Variants in ACACA observed in about 807,000 individuals in gnomAD.
ACACA encodes the protein acetyl-CoA carboxylase alpha.
Under a neutral mutation model 296.1 loss-of-function variants are expected in ACACA, and 103 were observed. The observed-to-expected ratio is 0.35, with a 90% CI of 0.30 to 0.41. The LOEUF is 0.41. Ranked by LOEUF, ACACA falls within the 10% of genes least tolerant of loss-of-function variation. The pLI is 1.00. For missense variants in ACACA, 1,554 were observed against 2,989.7 expected, an observed-to-expected ratio of 0.52 and a Z score of 11.20; for synonymous variants, 953 against 1,038.6, an observed-to-expected ratio of 0.92 and a Z score of 1.58.
chr17:37,163,927 GTA>G (rs2076563675), intron 41 of ACACA, among the ~76,000 whole-genome samples: 1 of 152,054 alleles, frequency 6.6e-6, no homozygotes, highest in Admixed American at 6.6e-5. Context: ...CCTTCTACTT[GTA>G]TATTTGCTAG....
intron 39 of ACACA, among the ~76,000 whole-genome samples, chr17:37,181,900 CAAAAAAA>C (rs61045031): frequency 0.05 from 1,120 of 22,186 alleles, 15 homozygotes; most frequent in African/African-American, 0.11. Context: ...ACTCTGTATC[CAAAAAAA>C]AAAAAAAAAA....
At chr17:37,197,204 T>A (rs1009926332) in intron 35 of ACACA, among the ~76,000 whole-genome samples, 1 of 152,226 alleles carries the variant, frequency 6.6e-6, no homozygotes, top group Admixed American at 6.5e-5. Flanking sequence ...CTTATAGCAA[T>A]CACTGTCATC....
At chr17:37,210,014 A>C (rs1163373188) in intron 30 of ACACA, among the ~76,000 whole-genome samples, 1 of 152,236 alleles carries the variant, frequency 6.6e-6, no homozygotes, top group Non-Finnish European at 1.5e-5. Context: ...CTGATAAAAC[A>C]TGAGATCAGC....
Position 37,283,313 on chromosome 17 carries a change from A to C in ACACA, c.564T>G (p.Ile188Met). The C allele has an allele frequency of 1.2e-6, 2 of 1,614,146 alleles. No homozygotes were observed. The highest frequency in any genetic ancestry group is 1.7e-6 in the Non-Finnish European group (2 of 1,180,014). The change falls in exon 5 of 56, where the codon ATT becomes ATG. Residue 188 changes from isoleucine (I) to methionine (M), a missense_variant. This residue lies in a region of ACACA where 40 missense variants were observed against 92.2 expected (regional missense o/e 0.43). Transcript: ENST00000616317. ...CAGGTGTGACCATGACAACGAATCTAATTGCACGTTCATTTCGAAACATTT... is the reference window on the plus strand; with the variant it reads ...CAGGTGTGACCATGACAACGAATCTCATTGCACGTTCATTTCGAAACATTT... ...SYEMFRNERA[I>M]RFVVMVTPED...
chr17:37,343,246 G>A (rs1775750537), intron 1 of ACACA, among the ~76,000 whole-genome samples: 1 of 152,018 alleles, frequency 6.6e-6, no homozygotes, highest in African/African-American at 2.4e-5. Flanking sequence ...CCAAAGTGCT[G>A]GGATTACAGG....
Position 37,217,754 on chromosome 17 carries a change from A to C in ACACA, c.3683+3970T>G, listed in dbSNP as rs904536247. ...CATCTCAAAAAAAAAAAAAAAAAAA[A>C]AAAAAAAAAACAACCTGTTTTCTCC... On this transcript the variant is annotated intron_variant, in intron 29 of 55. Coordinates refer to ENST00000616317, the MANE Select transcript of ACACA (RefSeq NM_198834.3). Among the ~76,000 whole-genome samples the C allele has an allele frequency of 5.5e-5, 8 of 146,476 alleles. 1 individual carries two copies. The highest frequency in any genetic ancestry group is 1.4e-4 in the Admixed American group (2 of 14,614).
chr17:37,136,778 T>C lies in ACACA; in HGVS notation c.5680-6560A>G, dbSNP rs536042828. Among the ~76,000 whole-genome samples, 498 of 152,106 alleles carry C rather than the reference T, an allele frequency of 3.3e-3. 1 individual carries two copies. The highest frequency in any genetic ancestry group is 5.5e-3 in the Non-Finnish European group (373 of 67,972). On this transcript the variant is annotated intron_variant, in intron 45 of 55. Transcript: ENST00000616317. ...TAACACGGTGAAACCCCATCTCTAC[T>C]AAAAATATAAAAATTAGCCGGGGCG...
At chr17:37,134,825 CTGAG>C (rs2075265579) in intron 45 of ACACA, among the ~76,000 whole-genome samples, 1 of 152,126 alleles carries the variant, frequency 6.6e-6, no homozygotes, top group South Asian at 2.1e-4. Context: ...TGTAAATTTA[CTGAG>C]TAATTGTCAT....
intron 39 of ACACA, among the ~76,000 whole-genome samples, chr17:37,187,385 T>C (rs944936355): frequency 2.6e-5 from 4 of 152,232 alleles, no homozygotes; most frequent in African/African-American, 4.8e-5. Flanking sequence ...AAGCACGGAA[T>C]AGACTGAAAC....
chr17:37,171,120 C>T (rs1412761756), intron 41 of ACACA, among the ~76,000 whole-genome samples: 2 of 152,142 alleles, frequency 1.3e-5, no homozygotes, highest in African/African-American at 4.8e-5. Context: ...AAGCTGTATT[C>T]GTTATATTCA....
intron 30 of ACACA, among the ~76,000 whole-genome samples, chr17:37,209,976 T>G (rs960025619): frequency 2.0e-5 from 3 of 152,222 alleles, no homozygotes; most frequent in African/African-American, 7.2e-5. Context: ...TCATAACATT[T>G]TAACACTTTA....
intron 33 of ACACA, 40 bp from the exon 34 acceptor site, chr17:37,200,523 T>A: frequency 6.5e-7 from 1 of 1,527,854 alleles, no homozygotes. Context: ...TAGATGAGAT[T>A]TCCATTCATT....
chr17:37,159,175 C>T lies in ACACA; in HGVS notation c.5349+2606G>A, dbSNP rs190657246. 1.6e-3 allele frequency among the ~76,000 whole-genome samples: 249 copies of T among 150,928 alleles called. 2 individuals are homozygous for T. Among genetic ancestry groups the T allele is most frequent in the Non-Finnish European group, 8.0e-4 (54 of 67,782 alleles). On this transcript the variant is annotated intron_variant, in intron 42 of 55. Transcript: ENST00000616317. ...CCTGGGTGACAGAGCTAGACCCTGT[C>T]TCTTAAAAAAAAAAGAGATAAAATT...
At chr17:37,302,202 C>CT (rs1238449451) in intron 3 of ACACA, among the ~76,000 whole-genome samples, 576 of 120,820 alleles carry the variant, frequency 4.8e-3, no homozygotes, top group African/African-American at 0.012. Flanking sequence ...GTCTGGAACT[C>CT]TTTTTTTTTT....
intron 10 of ACACA, among the ~76,000 whole-genome samples, chr17:37,270,079 C>T (rs995895933): frequency 2.0e-5 from 3 of 152,172 alleles, no homozygotes; most frequent in African/African-American, 4.8e-5. Flanking sequence ...AGTATGGCCA[C>T]ATCAACTTGG....
chr17:37,182,974 C>T (rs1374491493), intron 39 of ACACA, among the ~76,000 whole-genome samples: 1 of 152,074 alleles, frequency 6.6e-6, no homozygotes, highest in African/African-American at 2.4e-5. Flanking sequence ...GAAAAGTCAC[C>T]CGGGGGGAAG....
At chr17:37,222,979 A>G (rs879819001) in intron 28 of ACACA, among the ~76,000 whole-genome samples, 36 of 152,214 alleles carry the variant, frequency 2.4e-4, no homozygotes, top group Non-Finnish European at 4.0e-4. Flanking sequence ...TTAACCTCTC[A>G]GAGTCTCACT....
chr17:37,324,280 C>A (rs1014696130), intron 3 of ACACA, among the ~76,000 whole-genome samples: 2 of 151,620 alleles, frequency 1.3e-5, no homozygotes, highest in Non-Finnish European at 2.9e-5. Context: ...GCAGGAGAAT[C>A]ACATGAACCT....
At chr17:37,115,763 G>T (rs1214149148) in intron 50 of ACACA, among the ~76,000 whole-genome samples, 2 of 152,112 alleles carry the variant, frequency 1.3e-5, no homozygotes, top group African/African-American at 4.8e-5. Context: ...TGAAATGGAC[G>T]TGGGCTCCTT....
Sources: gnomAD v4.1 joint callset for allele counts (sites outside exome capture counted in the v4.1 genomes callset) on GRCh38, gnomAD v4.1.1 for gene constraint, gnomAD v4.1.1 regional missense constraint, MANE v1.5 for transcripts, NCBI Gene and HGNC (gene_info 2026-07-23, HGNC 2026-07-21) for gene names.